The following NDUFS4 variants were observed in gnomAD, a reference collection of about 807,000 sequenced individuals.
The protein encoded by NDUFS4 is NADH dehydrogenase [ubiquinone] iron-sulfur protein 4, mitochondrial.
Under a neutral mutation model 24.3 loss-of-function variants are expected in NDUFS4, and 28 were observed. That is an observed-to-expected ratio of 1.15 (90% CI 0.85 to 1.58). The LOEUF is 1.58. Ranked by LOEUF, NDUFS4 falls within the 40% of genes most tolerant of loss-of-function variation. NDUFS4 has a pLI of 0.00. For missense variants in NDUFS4, 223 were observed against 207.9 expected (o/e 1.07, Z -0.45); for synonymous variants, 93 against 69.7 (o/e 1.34, Z -1.67).
intron 1 of NDUFS4, among the ~76,000 whole-genome samples, chr5:53,598,941 T>C (rs1750219839): frequency 6.6e-6 from 1 of 152,166 alleles, no homozygotes; most frequent in African/African-American, 2.4e-5. Flanking sequence ...AATGATACTT[T>C]ACAAACCTGG....
intron 2 of NDUFS4, among the ~76,000 whole-genome samples, chr5:53,614,762 G>A (rs1329291748): frequency 6.6e-6 from 1 of 151,826 alleles, no homozygotes; most frequent in Non-Finnish European, 1.5e-5. Flanking sequence ...TGCTGTGTAT[G>A]GAAATTGTGT....
At chr5:53,621,675 T>C (rs1043287422) in intron 2 of NDUFS4, among the ~76,000 whole-genome samples, 1 of 149,894 alleles carries the variant, frequency 6.7e-6, no homozygotes, top group Non-Finnish European at 1.5e-5. Flanking sequence ...ATATTTGTTA[T>C]AAACCTCATA....
rs565594720 is a variant in NDUFS4 at position 53,634,353 on chromosome 5, A to T, written c.178-11880A>T. On this transcript the variant is annotated intron_variant, in intron 2 of 4. Transcript: ENST00000296684. ...TGTAATTAAGTTCCTTTATTGCTTA[A>T]AACCATTGCTTGATTTTAGGAAATT... is the stretch of plus-strand genomic sequence containing the variant. 3.8e-4 allele frequency among the ~76,000 whole-genome samples: 58 copies of T among 152,288 alleles called. 1 individual carries two copies. The highest frequency in any genetic ancestry group is 1.3e-3 in the African/African-American group (53 of 41,552).
chr5:53,600,554 C>T (rs1299680657), intron 1 of NDUFS4, among the ~76,000 whole-genome samples: 1 of 152,158 alleles, frequency 6.6e-6, no homozygotes, highest in Non-Finnish European at 1.5e-5. Context: ...GGTGATCCAC[C>T]CACCTCAGCT....
chr5:53,599,230 AT>A (rs562625879), intron 1 of NDUFS4, among the ~76,000 whole-genome samples: 246 of 152,216 alleles, frequency 1.6e-3, no homozygotes, highest in African/African-American at 5.3e-3. Flanking sequence ...TGCTATAAAC[AT>A]TGGTGTACAA....
At chr5:53,581,112 C>T (rs903446382) in intron 1 of NDUFS4, among the ~76,000 whole-genome samples, 1 of 152,128 alleles carries the variant, frequency 6.6e-6, no homozygotes, top group African/African-American at 2.4e-5. Flanking sequence ...GGATTACAGG[C>T]GTGAGCTACT....
intron 1 of NDUFS4, among the ~76,000 whole-genome samples, chr5:53,601,901 T>G (rs1315229037): frequency 6.6e-6 from 1 of 152,234 alleles, no homozygotes; most frequent in Non-Finnish European, 1.5e-5. Flanking sequence ...TTAATTGATC[T>G]GTTTTATTAT....
intron 4 of NDUFS4, among the ~76,000 whole-genome samples, chr5:53,682,610 T>G (rs372589868): frequency 6.6e-6 from 1 of 152,052 alleles, no homozygotes; most frequent in East Asian, 1.9e-4. Flanking sequence ...CCAAGTAACC[T>G]CTCATGGTCC....
intron 1 of NDUFS4, among the ~76,000 whole-genome samples, chr5:53,575,871 C>G (rs1005591823): frequency 6.6e-6 from 1 of 152,100 alleles, no homozygotes; most frequent in African/African-American, 2.4e-5. Context: ...CCAGTTGATT[C>G]TCAACTGTGG....
intron 4 of NDUFS4, among the ~76,000 whole-genome samples, chr5:53,670,996 GATAAT>G (rs1740206986): frequency 1.3e-5 from 2 of 151,416 alleles, no homozygotes; most frequent in South Asian, 4.2e-4. Flanking sequence ...TATATAGAGA[GATAAT>G]ATATATACTC....
chr5:53,585,119 A>G (rs188942278), intron 1 of NDUFS4, among the ~76,000 whole-genome samples: 1 of 152,346 alleles, frequency 6.6e-6, no homozygotes, highest in East Asian at 1.9e-4. Context: ...ATGGGATATT[A>G]TGAAAAGTCA....
intron 2 of NDUFS4, among the ~76,000 whole-genome samples, chr5:53,640,219 G>A (rs1373674397): frequency 6.6e-6 from 1 of 151,930 alleles, no homozygotes; most frequent in Middle Eastern, 3.2e-3. Context: ...GTAGACGGAA[G>A]GATGTTAAAG....
At chr5:53,616,495 T>C (rs1181272913) in intron 2 of NDUFS4, among the ~76,000 whole-genome samples, 1 of 152,024 alleles carries the variant, frequency 6.6e-6, no homozygotes, top group African/African-American at 2.4e-5. Context: ...AGATCTGAAT[T>C]GATGAGAAAG....
intron 1 of NDUFS4, chr5:53,573,648 G>A: frequency 2.2e-6 from 1 of 445,566 alleles, no homozygotes; most frequent in South Asian, 1.6e-5. Context: ...GAGTGCAGTG[G>A]TGCAATCATA....
chr5:53,602,398 A>G (rs1750353590), intron 1 of NDUFS4, among the ~76,000 whole-genome samples: 1 of 152,156 alleles, frequency 6.6e-6, no homozygotes. Flanking sequence ...AATACCTTAA[A>G]TTTGGTAAAT....
intron 4 of NDUFS4, among the ~76,000 whole-genome samples, chr5:53,668,252 G>A (rs909491384): frequency 2.0e-5 from 3 of 152,104 alleles, no homozygotes; most frequent in Non-Finnish European, 1.5e-5. Flanking sequence ...TTGAGATACA[G>A]TTGATTATTT....
At chr5:53,631,961 G>A (rs1246388252) in intron 2 of NDUFS4, among the ~76,000 whole-genome samples, 2 of 152,204 alleles carry the variant, frequency 1.3e-5, no homozygotes, top group Non-Finnish European at 2.9e-5. Context: ...GGCTAGGAAA[G>A]GGAAATTCCC....
At chr5:53,618,528 C>T (rs546679879) in intron 2 of NDUFS4, among the ~76,000 whole-genome samples, 15 of 152,142 alleles carry the variant, frequency 9.9e-5, no homozygotes, top group East Asian at 3.9e-4. Flanking sequence ...TGTGTGTATA[C>T]GTATGTACAT....
intron 1 of NDUFS4, among the ~76,000 whole-genome samples, chr5:53,596,789 C>T (rs377246644): frequency 3.9e-5 from 6 of 152,054 alleles, no homozygotes; most frequent in African/African-American, 9.7e-5. Context: ...TGACAACAAA[C>T]GTAATTAGTT....
Sources: gnomAD v4.1 joint callset for allele counts (sites outside exome capture counted in the v4.1 genomes callset) on GRCh38, gnomAD v4.1.1 for gene constraint, MANE v1.5 for transcripts, NCBI Gene and HGNC (gene_info 2026-07-23, HGNC 2026-07-21) for gene names.